UBE2E3: variants seen among roughly 807,000 people sequenced by gnomAD.
UBE2E3 encodes the protein ubiquitin conjugating enzyme E2 E3.
Under a neutral mutation model 23.6 loss-of-function variants are expected in UBE2E3, and 5 were observed. The observed-to-expected ratio is 0.21, with a 90% confidence interval of 0.11 to 0.44. The LOEUF is 0.44. Among genes scored for constraint, UBE2E3 ranks in the 20% least tolerant of loss-of-function variants. The pLI, the probability that UBE2E3 is intolerant of heterozygous loss-of-function variation, is 0.99. For synonymous variants in UBE2E3, 78 were observed against 87.5 expected, an observed-to-expected ratio of 0.89 and a Z score of 0.60; for missense variants, 81 against 249.8, an observed-to-expected ratio of 0.32 and a Z score of 4.55.
chr2:181,035,477 ATGTAT>A (rs983893270), intron 3 of UBE2E3, among the ~76,000 whole-genome samples: 48 of 152,216 alleles, frequency 3.2e-4, no homozygotes, highest in African/African-American at 1.1e-3. Flanking sequence ...CTTTCAGTAG[ATGTAT>A]TATATATTAC....
intron 3 of UBE2E3, among the ~76,000 whole-genome samples, chr2:181,048,759 T>A (rs1232422221): frequency 6.6e-6 from 1 of 152,146 alleles, no homozygotes; most frequent in Non-Finnish European, 1.5e-5. Flanking sequence ...TAACAACTGT[T>A]CACTTATAAA....
At chr2:181,045,792 G>A (rs1435816680) in intron 3 of UBE2E3, among the ~76,000 whole-genome samples, 1 of 151,944 alleles carries the variant, frequency 6.6e-6, no homozygotes, top group South Asian at 2.1e-4. Flanking sequence ...TCTCCACACT[G>A]TTCCCTCCCT....
chr2:180,987,408 A>T, intron 3 of UBE2E3: 1 of 1,549,604 alleles, frequency 6.5e-7, no homozygotes, highest in Non-Finnish European at 8.7e-7. Flanking sequence ...CTGGATTTCT[A>T]ACTTAACCCC....
At chr2:181,017,739 T>C (rs1014804163) in intron 3 of UBE2E3, among the ~76,000 whole-genome samples, 1 of 149,472 alleles carries the variant, frequency 6.7e-6, no homozygotes, top group African/African-American at 2.5e-5. Flanking sequence ...TGTTTCCTAA[T>C]TTGTTTAAGT....
chr2:181,037,128 G>A (rs1686316946), intron 3 of UBE2E3, among the ~76,000 whole-genome samples: 1 of 152,152 alleles, frequency 6.6e-6, no homozygotes, highest in African/African-American at 2.4e-5. Context: ...AGTCATCGTA[G>A]CATCGTCAGA....
chr2:181,033,289 G>A (rs1209899364), intron 3 of UBE2E3, among the ~76,000 whole-genome samples: 1 of 152,142 alleles, frequency 6.6e-6, no homozygotes, highest in East Asian at 1.9e-4. Flanking sequence ...ATACTACAAG[G>A]CTACAGTAAC....
At chr2:181,053,221 C>A (rs1002945237) in intron 3 of UBE2E3, among the ~76,000 whole-genome samples, 2 of 151,758 alleles carry the variant, frequency 1.3e-5, no homozygotes, top group Admixed American at 6.6e-5. Context: ...CGAAGGCACT[C>A]TGGTTTATGT....
chr2:181,035,560 T>A (rs1371869281), intron 3 of UBE2E3, among the ~76,000 whole-genome samples: 1 of 152,186 alleles, frequency 6.6e-6, no homozygotes, highest in Non-Finnish European at 1.5e-5. Flanking sequence ...AGCTCATTAG[T>A]AATATATTAG....
At chr2:181,027,795 C>G (rs1240931309) in intron 3 of UBE2E3, among the ~76,000 whole-genome samples, 2 of 151,934 alleles carry the variant, frequency 1.3e-5, no homozygotes, top group African/African-American at 2.4e-5. Flanking sequence ...TGCCATAACT[C>G]TACTTTCCTA....
At chr2:181,021,577 TCCC>T (rs1685687249) in intron 3 of UBE2E3, among the ~76,000 whole-genome samples, 1 of 104,040 alleles carries the variant, frequency 9.6e-6, no homozygotes. Flanking sequence ...CCTTCCTCCC[TCCC>T]TCCCTTCCTT....
At chr2:181,039,482 T>C (rs946275815) in intron 3 of UBE2E3, among the ~76,000 whole-genome samples, 5 of 151,810 alleles carry the variant, frequency 3.3e-5, no homozygotes, top group African/African-American at 9.7e-5. Flanking sequence ...GTCTTAAGAG[T>C]GTACAGGGAC....
intron 3 of UBE2E3, among the ~76,000 whole-genome samples, chr2:181,052,324 G>A (rs1686866741): frequency 6.6e-6 from 1 of 151,698 alleles, no homozygotes; most frequent in Non-Finnish European, 1.5e-5. Context: ...TTTCTGGTTA[G>A]GCCAGTAAAG....
intron 3 of UBE2E3, among the ~76,000 whole-genome samples, chr2:181,036,611 T>A (rs757634797): frequency 9.2e-5 from 14 of 152,192 alleles, no homozygotes; most frequent in Non-Finnish European, 2.1e-4. Flanking sequence ...TGTGAAAGTG[T>A]GCCCAGTGAT....
chr2:181,033,082 A>G (rs1188826836), intron 3 of UBE2E3, among the ~76,000 whole-genome samples: 1 of 151,992 alleles, frequency 6.6e-6, no homozygotes, highest in East Asian at 1.9e-4. Flanking sequence ...AAGAATCAAT[A>G]TTGTAAAAAC....
At chr2:180,984,189 A>G in intron 3 of UBE2E3, 96 bp downstream of exon 3, 4 of 1,076,778 alleles carry the variant, frequency 3.7e-6, no homozygotes, top group Non-Finnish European at 4.0e-6. Context: ...AGGAGACAAC[A>G]TTTGCTTCTT....
chr2:181,044,227 G>A (rs1377073866), intron 3 of UBE2E3, among the ~76,000 whole-genome samples: 9 of 151,886 alleles, frequency 5.9e-5, no homozygotes, highest in African/African-American at 1.2e-4. Flanking sequence ...TTGAGATGAC[G>A]GTTGGTCAGA....
intron 3 of UBE2E3, among the ~76,000 whole-genome samples, chr2:181,021,573 TCCC>T (rs757178849): frequency 0.01 from 964 of 95,004 alleles, no homozygotes; most frequent in Non-Finnish European, 0.014. Context: ...CCTTCCTTCC[TCCC>T]TCCCTCCCTT....
intron 3 of UBE2E3, among the ~76,000 whole-genome samples, chr2:181,017,379 A>C (rs2105618247): frequency 6.6e-6 from 1 of 152,148 alleles, no homozygotes; most frequent in Admixed American, 6.5e-5. Flanking sequence ...GTTGCGTCTG[A>C]GGTTGGGATG....
At chr2:181,032,422 T>C (rs999323296) in intron 3 of UBE2E3, among the ~76,000 whole-genome samples, 4 of 152,200 alleles carry the variant, frequency 2.6e-5, no homozygotes, top group African/African-American at 9.6e-5. Context: ...GACTAACTTA[T>C]TCAAATGGCC....
Sources: allele counts gnomAD v4.1 joint callset (sites outside exome capture counted in the v4.1 genomes callset), GRCh38; gene constraint gnomAD v4.1.1; transcripts MANE v1.5; gene names NCBI Gene and HGNC (gene_info 2026-07-23, HGNC 2026-07-21).